AK5: variants seen among roughly 807,000 people sequenced by gnomAD.
AK5 encodes the protein adenylate kinase 5, also known as adenylate kinase isoenzyme 5.
AK5 carries 27 observed loss-of-function variants against 69.5 expected under a neutral mutation model. That is an observed-to-expected ratio of 0.39 (90% confidence interval 0.29 to 0.54). The LOEUF is 0.54. Among genes scored for constraint, AK5 ranks in the 20% least tolerant of loss-of-function variants. The pLI is 0.71. For synonymous variants in AK5, 260 were observed against 244.4 expected (o/e 1.06, Z -0.60); for missense variants, 531 against 700.4 (o/e 0.76, Z 2.73).
chr1:77,464,898 G>C (rs1413751891), intron 8 of AK5, among the ~76,000 whole-genome samples: 1 of 152,044 alleles, frequency 6.6e-6, no homozygotes, highest in Admixed American at 6.5e-5. Flanking sequence ...AGAGATTTAG[G>C]AGAACAAGGG....
chr1:77,325,884 A>C (rs1489556603), intron 5 of AK5, among the ~76,000 whole-genome samples: 1 of 152,138 alleles, frequency 6.6e-6, no homozygotes, highest in Non-Finnish European at 1.5e-5. Flanking sequence ...AATGTTTAAA[A>C]AGAAAAAGAA....
At chr1:77,297,755 C>A (rs748789437) in intron 4 of AK5, 27 bp downstream of exon 4, 4 of 1,604,972 alleles carry the variant, frequency 2.5e-6, no homozygotes, top group Non-Finnish European at 3.4e-6. Context: ...ATCTTTTATT[C>A]TGCAAAATGT....
intron 8 of AK5, among the ~76,000 whole-genome samples, chr1:77,450,689 A>C (rs1415597974): frequency 2.0e-5 from 3 of 152,168 alleles, no homozygotes; most frequent in Non-Finnish European, 4.4e-5. Flanking sequence ...CCCCCTCAAA[A>C]AACTAGCTTG....
At chr1:77,319,259 A>G (rs1660401110) in intron 5 of AK5, among the ~76,000 whole-genome samples, 1 of 152,178 alleles carries the variant, frequency 6.6e-6, no homozygotes, top group Non-Finnish European at 1.5e-5. Context: ...CTGATCTCCT[A>G]CTGATGCTTA....
chr1:77,327,826 A>C (rs1660884030), intron 5 of AK5, among the ~76,000 whole-genome samples: 1 of 152,194 alleles, frequency 6.6e-6, no homozygotes, highest in Non-Finnish European at 1.5e-5. Context: ...AAGGGCACAT[A>C]ATTATAGACA....
intron 8 of AK5, among the ~76,000 whole-genome samples, chr1:77,438,609 A>T (rs1404999588): frequency 6.6e-6 from 1 of 152,180 alleles, no homozygotes; most frequent in Non-Finnish European, 1.5e-5. Flanking sequence ...AGCAAGCAAG[A>T]AGAGAAAAAA....
intron 6 of AK5, among the ~76,000 whole-genome samples, chr1:77,356,624 GA>G (rs1454996730): frequency 1.3e-5 from 2 of 152,158 alleles, no homozygotes; most frequent in Non-Finnish European, 2.9e-5. Context: ...GACTGAGTGA[GA>G]AAAGGTAATT....
chr1:77,313,460 T>A (rs753658370), intron 5 of AK5, among the ~76,000 whole-genome samples: 1 of 152,132 alleles, frequency 6.6e-6, no homozygotes, highest in Non-Finnish European at 1.5e-5. Flanking sequence ...AAAAGCAGAC[T>A]TTTGCTTTTC....
intron 8 of AK5, among the ~76,000 whole-genome samples, chr1:77,441,832 C>G (rs1043859187): frequency 6.6e-6 from 1 of 152,068 alleles, no homozygotes; most frequent in African/African-American, 2.4e-5. Context: ...CAAGATCTCT[C>G]AAACCTATTG....
intron 8 of AK5, among the ~76,000 whole-genome samples, chr1:77,473,726 A>G (rs558820643): frequency 8.7e-4 from 133 of 152,346 alleles, no homozygotes; most frequent in African/African-American, 3.2e-3. Flanking sequence ...GTGCAAAAAG[A>G]TAAAAGACAG....
At chr1:77,523,665 ATTTAT>A (rs1275809103) in intron 12 of AK5, among the ~76,000 whole-genome samples, 1 of 151,798 alleles carries the variant, frequency 6.6e-6, no homozygotes, top group Non-Finnish European at 1.5e-5. Context: ...TCTACCTACT[ATTTAT>A]TTTATTTATT....
At chr1:77,453,985 G>A (rs1468596539) in intron 8 of AK5, among the ~76,000 whole-genome samples, 1 of 152,008 alleles carries the variant, frequency 6.6e-6, no homozygotes, top group East Asian at 1.9e-4. Context: ...GTCTTAATAG[G>A]GTCTGGAAAG....
At chr1:77,522,889 T>G (rs1295267670) in intron 12 of AK5, among the ~76,000 whole-genome samples, 1 of 151,942 alleles carries the variant, frequency 6.6e-6, no homozygotes, top group African/African-American at 2.4e-5. Context: ...GTTTTCTCGT[T>G]TTTTTTTAAT....
At chr1:77,317,243 G>C (rs1040788745) in intron 5 of AK5, among the ~76,000 whole-genome samples, 1 of 152,136 alleles carries the variant, frequency 6.6e-6, no homozygotes, top group African/African-American at 2.4e-5. Flanking sequence ...TCTCAGGGTA[G>C]CTGGACTCCA....
At chr1:77,370,756 C>T (rs1319874698) in intron 6 of AK5, among the ~76,000 whole-genome samples, 1 of 152,144 alleles carries the variant, frequency 6.6e-6, no homozygotes, top group Non-Finnish European at 1.5e-5. Flanking sequence ...CCAACCCCAG[C>T]CCAGTCCAGC....
intron 8 of AK5, among the ~76,000 whole-genome samples, chr1:77,474,606 A>G (rs1038316161): frequency 2.9e-4 from 44 of 152,154 alleles, no homozygotes; most frequent in African/African-American, 9.4e-4. Flanking sequence ...AGTGTGACCA[A>G]TGGAGGAACT....
intron 10 of AK5, among the ~76,000 whole-genome samples, chr1:77,511,189 T>C (rs1423698195): frequency 6.6e-6 from 1 of 152,126 alleles, no homozygotes; most frequent in Non-Finnish European, 1.5e-5. Context: ...CAACAGTAAC[T>C]GCCTCATTTT....
chr1:77,407,729 C>T (rs769875307), intron 6 of AK5, among the ~76,000 whole-genome samples: 5 of 152,074 alleles, frequency 3.3e-5, no homozygotes, highest in Non-Finnish European at 7.4e-5. Context: ...CGCCATCACC[C>T]GGGTAGTGAA....
chr1:77,519,494 C>A lies in AK5; in HGVS notation c.1311+767C>A, dbSNP rs545161019. The stretch of plus-strand genomic sequence containing the variant: ...CAGAAAGGGGTCCCAATCCAGACCC[C>A]AAGAGAGGGTTCTTGGATCTTGTGC... On this transcript the variant is annotated intron_variant, in intron 11 of 13. Transcript: ENST00000354567. Among the ~76,000 whole-genome samples, 26 of 152,210 alleles carry A rather than the reference C, an allele frequency of 1.7e-4. No individual in the cohort carries two copies. The East Asian group carries it at 4.6e-3, about 27-fold the overall frequency.
Sources: allele counts gnomAD v4.1 joint callset (sites outside exome capture counted in the v4.1 genomes callset), GRCh38; gene constraint gnomAD v4.1.1; transcripts MANE v1.5; gene names NCBI Gene and HGNC (gene_info 2026-07-23, HGNC 2026-07-21).